The following TMEM71 variants were observed in gnomAD, a reference collection of about 807,000 sequenced individuals.
The protein encoded by TMEM71 is transmembrane protein 71.
A neutral mutation model predicts 38.0 loss-of-function variants in TMEM71; 44 were observed. The ratio of observed to expected loss-of-function variants is 1.16; its 90% CI spans 0.91 to 1.49. TMEM71 has a LOEUF of 1.49. Among genes scored for constraint, TMEM71 ranks in the 40% most tolerant of loss-of-function variants. TMEM71 has a pLI of 0.00. For synonymous variants in TMEM71, 133 were observed against 122.5 expected (o/e 1.09, Z -0.56); for missense variants, 367 against 348.6 (o/e 1.05, Z -0.42).
intron 7 of TMEM71, among the ~76,000 whole-genome samples, chr8:132,720,270 C>G (rs1267261892): frequency 2.0e-5 from 3 of 152,164 alleles, no homozygotes; most frequent in Admixed American, 2.0e-4. Context: ...GCAGCCCTCC[C>G]TTAAAGGATT....
At chr8:132,724,604 A>G (rs1827033663) in intron 6 of TMEM71, among the ~76,000 whole-genome samples, 1 of 152,192 alleles carries the variant, frequency 6.6e-6, no homozygotes, top group Non-Finnish European at 1.5e-5. Flanking sequence ...TTGTTCAAAC[A>G]CACATGTTTT....
downstream of TMEM71, among the ~76,000 whole-genome samples, chr8:132,707,449 T>C (rs749090538): frequency 6.6e-6 from 1 of 152,144 alleles, no homozygotes. Context: ...TGTTGAGACA[T>C]GGGACCTTAA....
upstream of TMEM71, among the ~76,000 whole-genome samples, chr8:132,764,949 T>G (rs534878547): frequency 1.1e-4 from 16 of 152,336 alleles, no homozygotes; most frequent in African/African-American, 3.8e-4. Flanking sequence ...GGCTAGGTTC[T>G]CTGCCACACA....
intron 3 of TMEM71, among the ~76,000 whole-genome samples, chr8:132,753,444 A>G (rs1313068576): frequency 1.3e-5 from 2 of 152,352 alleles, no homozygotes; most frequent in Admixed American, 6.5e-5. Context: ...ATATGCTTCC[A>G]GAAAATCACA....
intron 7 of TMEM71, among the ~76,000 whole-genome samples, chr8:132,720,674 G>A (rs949097993): frequency 6.6e-6 from 1 of 152,152 alleles, no homozygotes; most frequent in Non-Finnish European, 1.5e-5. Flanking sequence ...AGAATCTCAA[G>A]AGATGGGATC....
the TMEM71 span, among the ~76,000 whole-genome samples, chr8:132,768,384 G>A: frequency 2.6e-5 from 4 of 152,084 alleles, no homozygotes; most frequent in Non-Finnish European, 4.4e-5. Context: ...GGTGGCTTAC[G>A]TCTGTAATCC....
At chr8:132,761,694 C>G (rs1829299338), upstream of TMEM71, among the ~76,000 whole-genome samples, 1 of 152,154 alleles carries the variant, frequency 6.6e-6, no homozygotes, top group Non-Finnish European at 1.5e-5. Context: ...TGCTGACATG[C>G]TCCTTGTAAA....
At chr8:132,729,876 A>C (rs1827355481) in intron 5 of TMEM71, among the ~76,000 whole-genome samples, 1 of 152,236 alleles carries the variant, frequency 6.6e-6, no homozygotes. Flanking sequence ...GAAGGCATGA[A>C]AGCTTATCTG....
intron 6 of TMEM71, among the ~76,000 whole-genome samples, chr8:132,726,176 G>A (rs1827130661): frequency 6.6e-6 from 1 of 152,146 alleles, no homozygotes; most frequent in Non-Finnish European, 1.5e-5. Context: ...GGGCTCCCTG[G>A]AGGAGGTGGC....
At chr8:132,706,742 G>C (rs1826099948), downstream of TMEM71, among the ~76,000 whole-genome samples, 1 of 152,068 alleles carries the variant, frequency 6.6e-6, no homozygotes, top group Admixed American at 6.5e-5. Flanking sequence ...CTGAACCACT[G>C]GGCAATCAGA....
At chr8:132,757,454 A>G (rs1829087395) in intron 2 of TMEM71, among the ~76,000 whole-genome samples, 160 bp from the exon 3 acceptor site, 1 of 152,186 alleles carries the variant, frequency 6.6e-6, no homozygotes, top group Non-Finnish European at 1.5e-5. Context: ...CCAGTAGTGC[A>G]GGTACCCTTA....
rs1474453058 is a variant in TMEM71, at chr8:132,710,031, A to G, written c.*936T>C. The G allele has an allele frequency of 6.6e-6, 1 of 152,124 alleles. No homozygotes were observed. The highest frequency in any genetic ancestry group is 2.4e-5 in the African/African-American group (1 of 41,436). 9.4% of individuals were successfully genotyped at this position (152,124 alleles called of 1,614,324 possible). On this transcript the variant is annotated 3_prime_UTR_variant, in exon 10 of 10. Coordinates refer to ENST00000677595, the MANE Select transcript of TMEM71 (RefSeq NM_001382403.1). ...ATTATATATAAAGTTATATTTTGGC[A>G]TTATCATTTCGAGCAAAGACAATTT...
At chr8:132,746,460 TATAC>T (rs1393589074) in intron 5 of TMEM71, among the ~76,000 whole-genome samples, 1 of 16,066 alleles carries the variant, frequency 6.2e-5, no homozygotes, top group African/African-American at 1.4e-4. Context: ...TACATATATA[TATAC>T]ATATATATAT....
At chr8:132,742,366 C>G (rs1413620953) in intron 5 of TMEM71, among the ~76,000 whole-genome samples, 1 of 152,154 alleles carries the variant, frequency 6.6e-6, no homozygotes, top group African/African-American at 2.4e-5. Flanking sequence ...CAGAGCGAGA[C>G]TCTGTCTAGA....
At chr8:132,745,393 A>G (rs1427907073) in intron 5 of TMEM71, among the ~76,000 whole-genome samples, 2 of 152,214 alleles carry the variant, frequency 1.3e-5, no homozygotes, top group Non-Finnish European at 1.5e-5. Context: ...TCACAAAAGA[A>G]GACATACATG....
chr8:132,759,412 G>C (rs2553605), intron 1 of TMEM71: 1 of 83,316 alleles, frequency 1.2e-5, no homozygotes, highest in Non-Finnish European at 2.2e-5. Context: ...TAGTCACAGA[G>C]AGTGATTTTA....
the TMEM71 span, chr8:132,775,524 C>T: frequency 8.0e-6 from 3 of 374,108 alleles, no homozygotes; most frequent in South Asian, 1.3e-4. Context: ...CGCTCCGCTC[C>T]TGCTCCCTCC....
chr8:132,752,098 C>A, intron 3 of TMEM71, 101 bp from the exon 4 acceptor site: 2 of 938,838 alleles, frequency 2.1e-6, no homozygotes, highest in Non-Finnish European at 3.3e-6. Flanking sequence ...ATCTTTGCAT[C>A]CATGACTGTC....
At position 132,727,937 on chromosome 8, in the gene TMEM71, C is replaced by T; in HGVS notation, c.537G>A (p.Lys179=). The part of the protein sequence containing the change: ...SSLTDDWESG[K]MNAESVITSS... ...AGGTGATCACAGACTCTGCATTCAT[C>T]TTCCCTGACTCCCAGTCATCAGTCA... Residue 179 remains lysine (K), a synonymous_variant, in exon 6 of 10, where the codon AAG becomes AAA. Transcript: ENST00000677595. 6.2e-7 allele frequency: 1 copy of T among 1,613,958 alleles called. No individual in the cohort carries two copies.
Sources: allele counts gnomAD v4.1 joint callset (sites outside exome capture counted in the v4.1 genomes callset), GRCh38; gene constraint gnomAD v4.1.1; transcripts MANE v1.5; gene names NCBI Gene and HGNC (gene_info 2026-07-23, HGNC 2026-07-21).